The following SLC4A4 variants were observed in gnomAD, a reference collection of about 807,000 sequenced individuals.
SLC4A4 encodes electrogenic sodium bicarbonate cotransporter 1.
A neutral mutation model predicts 111.5 loss-of-function variants in SLC4A4; 27 were observed. The observed-to-expected ratio is 0.24, with a 90% confidence interval of 0.18 to 0.33. The LOEUF is 0.33. SLC4A4 is among the 10% of genes least tolerant of loss of function. The pLI is 1.00. For synonymous variants in SLC4A4, 443 were observed against 463.4 expected (o/e 0.96, Z 0.57); for missense variants, 909 against 1,315.5 (o/e 0.69, Z 4.78).
chr4:71,390,649 C>T (rs1207277803), intron 6 of SLC4A4, among the ~76,000 whole-genome samples: 1 of 152,084 alleles, frequency 6.6e-6, no homozygotes, highest in Non-Finnish European at 1.5e-5. Flanking sequence ...CTGCCTTAAA[C>T]CTCTGTAGTG....
chr4:71,206,633 T>C (rs927523357), intron 1 of SLC4A4, among the ~76,000 whole-genome samples: 24 of 152,096 alleles, frequency 1.6e-4, no homozygotes, highest in African/African-American at 5.3e-4. Context: ...TATATTAGAC[T>C]TGACAAATGT....
chr4:71,206,974 T>C (rs1367337454), intron 1 of SLC4A4, among the ~76,000 whole-genome samples: 1 of 152,158 alleles, frequency 6.6e-6, no homozygotes, highest in Non-Finnish European at 1.5e-5. Context: ...ACTATGACTG[T>C]GGTCTTGGGG....
chr4:71,432,695 T>G (rs779168642), intron 7 of SLC4A4, among the ~76,000 whole-genome samples: 2 of 152,054 alleles, frequency 1.3e-5, no homozygotes, highest in African/African-American at 2.4e-5. Context: ...CTTGCTTTTT[T>G]GTCTCAGCTT....
intron 6 of SLC4A4, among the ~76,000 whole-genome samples, chr4:71,360,259 C>T (rs1347263880): frequency 2.6e-5 from 4 of 152,042 alleles, no homozygotes; most frequent in African/African-American, 9.7e-5. Flanking sequence ...AGTGACTATA[C>T]TGGTACCTTG....
chr4:71,431,973 C>A (rs1332301347), intron 7 of SLC4A4, among the ~76,000 whole-genome samples: 1 of 152,024 alleles, frequency 6.6e-6, no homozygotes, highest in Non-Finnish European at 1.5e-5. Flanking sequence ...ATATGCAAAG[C>A]AAATGTTTGA....
intron 1 of SLC4A4, among the ~76,000 whole-genome samples, chr4:71,084,346 G>A (rs888114082): frequency 1.3e-5 from 2 of 151,828 alleles, no homozygotes; most frequent in East Asian, 3.9e-4. Context: ...CAACCTCCAC[G>A]AACCTATTCA....
intron 3 of SLC4A4, among the ~76,000 whole-genome samples, chr4:71,321,909 C>A (rs904166332): frequency 1.3e-5 from 2 of 151,906 alleles, no homozygotes; most frequent in African/African-American, 2.4e-5. Flanking sequence ...CTATAGATGT[C>A]AAGTAGGAAG....
chr4:71,340,442 T>C (rs1212635624), intron 4 of SLC4A4, among the ~76,000 whole-genome samples: 1 of 152,176 alleles, frequency 6.6e-6, no homozygotes, highest in Non-Finnish European at 1.5e-5. Context: ...TTGTTGTTAG[T>C]CCCTTACTGT....
intron 2 of SLC4A4, among the ~76,000 whole-genome samples, chr4:71,174,085 A>G (rs991425325): frequency 6.6e-6 from 1 of 152,190 alleles, no homozygotes; most frequent in African/African-American, 2.4e-5. Context: ...TTTTATAAAC[A>G]GAAGGGAAAT....
At chr4:71,152,120 G>A (rs746805292) in intron 2 of SLC4A4, among the ~76,000 whole-genome samples, 2 of 151,936 alleles carry the variant, frequency 1.3e-5, no homozygotes, top group African/African-American at 4.8e-5. Flanking sequence ...ATAATATAAA[G>A]TATACTTACA....
chr4:71,092,239 T>G (rs1380796598), intron 1 of SLC4A4, among the ~76,000 whole-genome samples: 4 of 151,216 alleles, frequency 2.6e-5, no homozygotes, highest in African/African-American at 9.8e-5. Context: ...CTAAAGCTCA[T>G]TTTAAGTAGA....
chr4:71,174,125 C>T (rs568510787), intron 2 of SLC4A4, among the ~76,000 whole-genome samples: 3 of 152,222 alleles, frequency 2.0e-5, no homozygotes, highest in Non-Finnish European at 2.9e-5. Context: ...AAAAGTACAA[C>T]AGCTATGAAC....
chr4:71,218,947 T>C (rs1401561268), intron 1 of SLC4A4, among the ~76,000 whole-genome samples: 2 of 152,162 alleles, frequency 1.3e-5, no homozygotes, highest in Non-Finnish European at 2.9e-5. Flanking sequence ...ACTGGGAACA[T>C]CCTTCTTCTT....
intron 2 of SLC4A4, among the ~76,000 whole-genome samples, chr4:71,241,355 G>T (rs1328769539): frequency 6.6e-6 from 1 of 152,046 alleles, no homozygotes; most frequent in African/African-American, 2.4e-5. Flanking sequence ...TGAAGAGAGA[G>T]ACTAAAATAA....
Position 71,209,349 on chromosome 4 carries a change from G to T in SLC4A4, c.-2+21948G>T, listed in dbSNP as rs535338747. 3.9e-5 allele frequency among the ~76,000 whole-genome samples: 6 copies of T among 152,282 alleles called. No individual in the cohort carries two copies. In the South Asian group the frequency reaches 1.2e-3, roughly 32 times the overall value. On this transcript the variant is annotated intron_variant, in intron 1 of 25. Coordinates refer to ENST00000264485, the MANE Select transcript of SLC4A4 (RefSeq NM_001098484.3). ...CCTCCCTAATGTGTAACAGTCTACT[G>T]GGGGAGACAGGGCAGACACATTTAG...
At chr4:71,513,439 G>C (rs977205854) in intron 16 of SLC4A4, among the ~76,000 whole-genome samples, 1 of 151,972 alleles carries the variant, frequency 6.6e-6, no homozygotes, top group African/African-American at 2.4e-5. Context: ...GCTAGATCTT[G>C]GTGTATAGAA....
In SLC4A4 at chr4:71,560,158, C is replaced by T. The variant is rs990482445; in HGVS notation, c.3003C>T (p.Phe1001=). ...TCTTCTCCCAGCACGACCTCAGCTT[C>T]CTGGATGATGTCATTCCAGAAAAGG... ...DYLFSQHDLS[F]LDDVIPEKDK... is the part of the protein sequence containing the mutation. Residue 1001 remains phenylalanine, a synonymous_variant, in exon 23 of 26, where the codon TTC becomes TTT. Transcript: ENST00000264485. 7 of 1,610,810 alleles carry T rather than the reference C, an allele frequency of 4.3e-6. No individual in the cohort carries two copies. In the Admixed American group the frequency reaches 6.7e-5, roughly 15 times the overall value.
At chr4:71,175,515 C>G (rs976116689) in intron 2 of SLC4A4, among the ~76,000 whole-genome samples, 1 of 152,230 alleles carries the variant, frequency 6.6e-6, no homozygotes, top group Admixed American at 6.5e-5. Flanking sequence ...TAGCAAACGG[C>G]ACACCAGGAG....
intron 16 of SLC4A4, among the ~76,000 whole-genome samples, chr4:71,525,946 C>A: frequency 6.6e-6 from 1 of 151,094 alleles, no homozygotes; most frequent in Non-Finnish European, 1.5e-5. Flanking sequence ...TGAGAAGGGC[C>A]CAAAGAGAGC....
Sources: gnomAD v4.1 joint callset for allele counts (sites outside exome capture counted in the v4.1 genomes callset) on GRCh38, gnomAD v4.1.1 for gene constraint, MANE v1.5 for transcripts, NCBI Gene and HGNC (gene_info 2026-07-23, HGNC 2026-07-21) for gene names.